FHIT: variants seen among roughly 807,000 people sequenced by gnomAD.
FHIT encodes the protein fragile histidine triad diadenosine triphosphatase.
Under a neutral mutation model 17.9 loss-of-function variants are expected in FHIT, and 19 were observed. The ratio of observed to expected loss-of-function variants is 1.06; its 90% CI spans 0.74 to 1.56. FHIT has a LOEUF of 1.56. Among genes scored for constraint, FHIT ranks in the 40% most tolerant of loss-of-function variants. The pLI is 0.00. For missense variants in FHIT, 248 were observed against 189.2 expected (o/e 1.31, Z -1.82); for synonymous variants, 81 against 69.7 (o/e 1.16, Z -0.81).
rs1052476030 is a variant in FHIT, at chr3:59,877,850, A to G, written c.348+44496T>C. Among the ~76,000 whole-genome samples, 36 of 152,214 alleles carry G rather than the reference A, an allele frequency of 2.4e-4. 1 individual carries two copies. Among genetic ancestry groups the G allele is most frequent in the Non-Finnish European group, 1.0e-4 (7 of 68,034 alleles). ...ACAAATAGAAAGAAAGTATTTCCCT[A>G]TCCCTCAAATGAGTTGGATAACCAT... On this transcript the variant is annotated intron_variant, in intron 8 of 9. Transcript: ENST00000492590.
chr3:59,902,373 A>C (rs1704369291), intron 8 of FHIT, among the ~76,000 whole-genome samples: 1 of 152,148 alleles, frequency 6.6e-6, no homozygotes, highest in Non-Finnish European at 1.5e-5. Context: ...GCCATTATGG[A>C]AAAGAGTACA....
intron 5 of FHIT, among the ~76,000 whole-genome samples, chr3:60,102,352 T>C (rs1704228720): frequency 6.6e-6 from 1 of 152,114 alleles, no homozygotes; most frequent in South Asian, 2.1e-4. Flanking sequence ...TTTGAGGGTG[T>C]GTGAAAGGAA....
chr3:60,384,578 A>G lies in FHIT; in HGVS notation c.103+152282T>C, dbSNP rs570793323. ...TTAGTCATTCTTGCTTTGTCGCTTT[A>G]TTACCACGAAACTGGTCAGTCATGG... is the stretch of plus-strand genomic sequence containing the variant. On this transcript the variant is annotated intron_variant, in intron 5 of 9. Coordinates refer to ENST00000492590, the MANE Select transcript of FHIT (RefSeq NM_002012.4). Among the ~76,000 whole-genome samples the G allele has an allele frequency of 7.2e-5, 11 of 152,292 alleles. No individual in the cohort carries two copies. In the South Asian group the frequency reaches 2.3e-3, roughly 32 times the overall value.
At chr3:60,633,819 T>G (rs2039509090) in intron 4 of FHIT, among the ~76,000 whole-genome samples, 1 of 152,162 alleles carries the variant, frequency 6.6e-6, no homozygotes, top group African/African-American at 2.4e-5. Flanking sequence ...CTGCGCGATT[T>G]AACCACAAGC....
At chr3:60,474,722 CA>C (rs2033259980) in intron 5 of FHIT, among the ~76,000 whole-genome samples, 1 of 151,774 alleles carries the variant, frequency 6.6e-6, no homozygotes, top group African/African-American at 2.4e-5. Flanking sequence ...CTCCCGGGTT[CA>C]AGAGATTCTC....
chr3:60,432,056 A>G (rs1576643219), intron 5 of FHIT, among the ~76,000 whole-genome samples: 2 of 151,816 alleles, frequency 1.3e-5, no homozygotes, highest in South Asian at 4.2e-4. Flanking sequence ...GCTCACTGCA[A>G]CCTCCGCCTC....
chr3:60,622,918 C>T (rs1553679339), intron 4 of FHIT, among the ~76,000 whole-genome samples: 2 of 152,238 alleles, frequency 1.3e-5, no homozygotes, highest in African/African-American at 4.8e-5. Flanking sequence ...CCCAACCAGG[C>T]AGGGATCCAA....
chr3:60,141,384 T>TA (rs34364126), intron 5 of FHIT, among the ~76,000 whole-genome samples: 3,590 of 128,036 alleles, frequency 0.028, 87 homozygotes, highest in African/African-American at 0.073. Flanking sequence ...TGATGCCCAT[T>TA]AAAAAAAAAA....
At chr3:60,534,757 T>C (rs1304341520) in intron 5 of FHIT, among the ~76,000 whole-genome samples, 1 of 152,178 alleles carries the variant, frequency 6.6e-6, no homozygotes, top group Non-Finnish European at 1.5e-5. Context: ...TACTCAAATA[T>C]AAAGTAACTG....
intron 8 of FHIT, among the ~76,000 whole-genome samples, chr3:59,875,882 CAG>C (rs199727690): frequency 0.022 from 3,270 of 150,518 alleles, 43 homozygotes; most frequent in South Asian, 0.059. Context: ...CTTAAGATGT[CAG>C]AGTTTTTCCC....
chr3:60,572,709 G>A (rs1442423213), intron 4 of FHIT, among the ~76,000 whole-genome samples: 3 of 152,128 alleles, frequency 2.0e-5, no homozygotes, highest in Non-Finnish European at 4.4e-5. Flanking sequence ...ATGGTCCATT[G>A]ATGGAAAGGA....
At chr3:60,392,280 C>T (rs949926448) in intron 5 of FHIT, among the ~76,000 whole-genome samples, 4 of 151,992 alleles carry the variant, frequency 2.6e-5, no homozygotes, top group African/African-American at 4.8e-5. Flanking sequence ...AAATTTATGG[C>T]GAAGCTTGGA....
chr3:59,931,062 C>A (rs996879947), intron 7 of FHIT, among the ~76,000 whole-genome samples: 12 of 152,156 alleles, frequency 7.9e-5, no homozygotes, highest in Admixed American at 4.6e-4. Context: ...AGTATCCCAA[C>A]GCATAAGACT....
At position 61,202,411 on chromosome 3, in the gene FHIT, G is replaced by A. The variant is rs556040166; in HGVS notation, c.-212-1746C>T. Reference sequence around the variant, plus strand: ...AAGTGAGGAGCGCCTCTGCCCGGACGCTGTGCAACCTTCCAAGTGTGAAGT... The same window carrying A: ...AAGTGAGGAGCGCCTCTGCCCGGACACTGTGCAACCTTCCAAGTGTGAAGT... On this transcript the variant is annotated intron_variant, in intron 1 of 9. Coordinates refer to ENST00000492590, the MANE Select transcript of FHIT (RefSeq NM_002012.4). 4.6e-5 allele frequency among the ~76,000 whole-genome samples: 7 copies of A among 152,196 alleles called. No individual in the cohort carries two copies. In the South Asian group the frequency reaches 8.3e-4, roughly 18 times the overall value.
intron 8 of FHIT, among the ~76,000 whole-genome samples, chr3:59,829,796 G>A (rs1701103427): frequency 6.6e-6 from 1 of 152,110 alleles, no homozygotes; most frequent in African/African-American, 2.4e-5. Context: ...CCAGGTGTCA[G>A]AATTATACAA....
chr3:61,106,925 C>A (rs1259277162), intron 2 of FHIT, among the ~76,000 whole-genome samples: 1 of 152,196 alleles, frequency 6.6e-6, no homozygotes, highest in Non-Finnish European at 1.5e-5. Context: ...TCCCAAAGTG[C>A]TGGGATTACA....
chr3:60,255,864 A>C (rs1705964999), intron 5 of FHIT, among the ~76,000 whole-genome samples: 1 of 151,458 alleles, frequency 6.6e-6, no homozygotes, highest in Admixed American at 6.6e-5. Flanking sequence ...CAAAAAACAA[A>C]AACAAAAAAA....
In FHIT at chr3:60,424,216, C is replaced by T. The variant is rs187802450; in HGVS notation, c.103+112644G>A. On this transcript the variant is annotated intron_variant, in intron 5 of 9. Transcript: ENST00000492590. ...TTAAATCACTTGGCCCAAAGTTACA[C>T]AGCTGTAAGCCAAGGTTTGAACAGA... Among the ~76,000 whole-genome samples the T allele has an allele frequency of 5.3e-5, 8 of 152,232 alleles. No homozygotes were observed. In the East Asian group the frequency reaches 1.5e-3, roughly 29 times the overall value.
chr3:60,225,870 T>C (rs1331620228), intron 5 of FHIT, among the ~76,000 whole-genome samples: 1 of 152,136 alleles, frequency 6.6e-6, no homozygotes, highest in East Asian at 1.9e-4. Flanking sequence ...TCAGCAGATC[T>C]ACAGAACTGC....
Sources: allele counts gnomAD v4.1 joint callset (sites outside exome capture counted in the v4.1 genomes callset), GRCh38; gene constraint gnomAD v4.1.1; transcripts MANE v1.5; gene names NCBI Gene and HGNC (gene_info 2026-07-23, HGNC 2026-07-21).